Variants in ATL2 observed in about 807,000 individuals in gnomAD.
ATL2 encodes the protein atlastin GTPase 2.
Under a neutral mutation model 73.9 loss-of-function variants are expected in ATL2, and 31 were observed. The observed-to-expected ratio is 0.42, with a 90% CI of 0.32 to 0.57. ATL2 has a LOEUF of 0.57. Ranked by LOEUF, ATL2 falls within the 20% of genes least tolerant of loss-of-function variation. ATL2 has a pLI of 0.14. For synonymous variants in ATL2, 291 were observed against 237.5 expected (o/e 1.23, Z -2.07); for missense variants, 738 against 702.6 (o/e 1.05, Z -0.57).
chr2:38,366,750 T>A (rs1216722710), intron 1 of ATL2, among the ~76,000 whole-genome samples: 1 of 152,230 alleles, frequency 6.6e-6, no homozygotes, highest in Non-Finnish European at 1.5e-5. Context: ...GTCTACATTA[T>A]TTTTTGTAGG....
rs61024333 is a variant in ATL2 at position 38,310,020 on chromosome 2, TAGC to T, written c.943+286_943+288del. Among the ~76,000 whole-genome samples, 1,042 of 152,332 alleles carry T rather than the reference TAGC, an allele frequency of 6.8e-3. 12 individuals carry two copies. The highest frequency in any genetic ancestry group is 0.057 in the East Asian group (294 of 5,192). On this transcript the variant is annotated intron_variant, in intron 8 of 12. Transcript: ENST00000378954. Reference sequence around the variant, plus strand: ...AATATAATAAAATGATAAAGCCTTTTAGCAGACTGCAATCAATTGAAAAGAAAT... The same window carrying T: ...AATATAATAAAATGATAAAGCCTTTTAGACTGCAATCAATTGAAAAGAAAT...
At chr2:38,305,065 T>A (rs190516347) in intron 9 of ATL2, among the ~76,000 whole-genome samples, 2 of 147,610 alleles carry the variant, frequency 1.4e-5, no homozygotes, top group Non-Finnish European at 2.9e-5. Context: ...AGATACTCCA[T>A]GCAAATGGAA....
At chr2:38,368,112 T>C (rs1044688763) in intron 1 of ATL2, among the ~76,000 whole-genome samples, 1 of 151,482 alleles carries the variant, frequency 6.6e-6, no homozygotes, top group African/African-American at 2.4e-5. Flanking sequence ...TTTTTTGTAT[T>C]TTTAGTAGAG....
At chr2:38,318,449 A>G (rs111634519) in intron 4 of ATL2, 86 bp downstream of exon 4, 12,316 of 1,004,812 alleles carry the variant, frequency 0.012, 209 homozygotes, top group East Asian at 0.064. Flanking sequence ...CTGGGCAACA[A>G]GAGTGAAACT....
chr2:38,310,148 A>G (rs1667668592), intron 8 of ATL2, among the ~76,000 whole-genome samples, 161 bp downstream of exon 8: 1 of 152,234 alleles, frequency 6.6e-6, no homozygotes, highest in Admixed American at 6.5e-5. Context: ...AATCAATGGA[A>G]TGCTAGAGAA....
intron 1 of ATL2, among the ~76,000 whole-genome samples, chr2:38,351,556 C>T (rs1254349945): frequency 2.0e-5 from 3 of 151,108 alleles, no homozygotes; most frequent in Non-Finnish European, 2.9e-5. Flanking sequence ...TGCAGTGGCA[C>T]GATCTCGGCT....
chr2:38,325,285 G>C (rs902536388), intron 2 of ATL2, among the ~76,000 whole-genome samples: 3 of 152,044 alleles, frequency 2.0e-5, no homozygotes, highest in African/African-American at 7.2e-5. Flanking sequence ...TGAGATCACA[G>C]GTCAAACCAT....
intron 2 of ATL2, among the ~76,000 whole-genome samples, chr2:38,321,122 G>A (rs990677722): frequency 2.6e-4 from 39 of 152,176 alleles, no homozygotes; most frequent in African/African-American, 8.4e-4. Context: ...GCAGTGAGCT[G>A]AGATCGCACC....
chr2:38,325,690 A>C (rs1668588174), intron 2 of ATL2, among the ~76,000 whole-genome samples: 1 of 59,642 alleles, frequency 1.7e-5, no homozygotes, highest in Non-Finnish European at 2.7e-5. Context: ...ACACACACAC[A>C]CACACCAGTA....
At chr2:38,358,594 A>G in intron 1 of ATL2, 1 of 290,124 alleles carries the variant, frequency 3.4e-6, no homozygotes, top group South Asian at 2.5e-5. Flanking sequence ...CAGGAGGCTG[A>G]GGCCGGAGAA....
Position 38,374,191 on chromosome 2 carries a change from C to G in ATL2, c.118+2952G>C, listed in dbSNP as rs1671840453. Among the ~76,000 whole-genome samples the G allele has an allele frequency of 2.0e-5, 3 of 152,322 alleles. No homozygotes were observed. The South Asian group carries it at 6.2e-4, about 32-fold the overall frequency. On this transcript the variant is annotated intron_variant, in intron 1 of 12. Coordinates refer to ENST00000378954, the MANE Select transcript of ATL2 (RefSeq NM_001135673.4). Reference sequence around the variant, plus strand: ...ACAGGCGTGAGCCACCGCACTCAGCCTGCTATCCATTTTTAAAGCCATAGA... The same window carrying G: ...ACAGGCGTGAGCCACCGCACTCAGCGTGCTATCCATTTTTAAAGCCATAGA...
At chr2:38,351,542 G>A (rs1261680888) in intron 1 of ATL2, among the ~76,000 whole-genome samples, 3 of 148,962 alleles carry the variant, frequency 2.0e-5, no homozygotes, top group Admixed American at 1.3e-4. Flanking sequence ...TGCCCAGGCT[G>A]GAGTGCAGTG....
intron 2 of ATL2, among the ~76,000 whole-genome samples, chr2:38,340,591 C>A (rs886167914): frequency 5.5e-5 from 8 of 145,978 alleles, no homozygotes; most frequent in Admixed American, 5.3e-4. Context: ...CAAGTCAACA[C>A]TGAAAACTTA....
At chr2:38,344,165 T>G (rs1669889568) in intron 1 of ATL2, among the ~76,000 whole-genome samples, 6 of 152,030 alleles carry the variant, frequency 3.9e-5, no homozygotes, top group Admixed American at 3.9e-4. Context: ...AGCCCTGTAT[T>G]ATTCTGTAAA....
At chr2:38,376,100 T>C (rs1344103711) in intron 1 of ATL2, 3 of 1,477,710 alleles carry the variant, frequency 2.0e-6, no homozygotes, top group Non-Finnish European at 2.7e-6. Flanking sequence ...TAAACTCTTA[T>C]CTTGGCCGTA....
chr2:38,333,703 T>TAC (rs1669134590), intron 2 of ATL2, among the ~76,000 whole-genome samples: 1 of 152,200 alleles, frequency 6.6e-6, no homozygotes, highest in African/African-American at 2.4e-5. Flanking sequence ...AGGCAATACA[T>TAC]ACATTTGGGA....
intron 2 of ATL2, among the ~76,000 whole-genome samples, chr2:38,330,290 C>T (rs960589654): frequency 2.0e-5 from 3 of 149,462 alleles, no homozygotes; most frequent in African/African-American, 7.4e-5. Flanking sequence ...TACAAAAAAT[C>T]CTACAGCTAA....
intron 1 of ATL2, chr2:38,359,671 C>T (rs1225792354): frequency 6.6e-6 from 1 of 151,854 alleles, no homozygotes; most frequent in Non-Finnish European, 1.5e-5. Flanking sequence ...TTAAAGAACA[C>T]TAAGGCAAAA....
At chr2:38,355,406 G>T (rs918875283) in intron 1 of ATL2, among the ~76,000 whole-genome samples, 4 of 151,712 alleles carry the variant, frequency 2.6e-5, no homozygotes, top group Non-Finnish European at 4.4e-5. Context: ...GTGAGCCACT[G>T]CGCCTGGCCA....
Sources: allele counts gnomAD v4.1 joint callset (sites outside exome capture counted in the v4.1 genomes callset), GRCh38; gene constraint gnomAD v4.1.1; transcripts MANE v1.5; gene names NCBI Gene and HGNC (gene_info 2026-07-23, HGNC 2026-07-21).